Variants in SIMC1 observed in about 807,000 individuals in gnomAD.
SIMC1 encodes SUMO interacting motifs containing 1.
Under a neutral mutation model 82.3 loss-of-function variants are expected in SIMC1, and 55 were observed. The observed-to-expected ratio is 0.67, with a 90% CI of 0.54 to 0.84. The LOEUF is 0.84. Among genes scored for constraint, SIMC1 ranks in the 40% least tolerant of loss-of-function variants. SIMC1 has a pLI of 0.00. For synonymous variants in SIMC1, 353 were observed against 426.3 expected (o/e 0.83, Z 2.12); for missense variants, 915 against 1,107.2 (o/e 0.83, Z 2.46).
chr5:176,331,834 T>C (rs1765682937), intron 7 of SIMC1, among the ~76,000 whole-genome samples: 1 of 151,772 alleles, frequency 6.6e-6, no homozygotes, highest in South Asian at 2.1e-4. Flanking sequence ...CCAGGTGTGG[T>C]GGCGGGCGCC....
intron 9 of SIMC1, 56 bp from the exon 10 acceptor site, chr5:176,345,127 T>TAA: frequency 6.4e-7 from 1 of 1,555,424 alleles, no homozygotes; most frequent in Non-Finnish European, 8.7e-7. Context: ...TTAGACTTCT[T>TAA]AAAAAGAATT....
chr5:176,288,497 A>G (rs76932201), intron 1 of SIMC1, among the ~76,000 whole-genome samples: 5 of 152,098 alleles, frequency 3.3e-5, no homozygotes, highest in African/African-American at 1.2e-4. Context: ...GCAGTTGGCT[A>G]TGGGAGAGGA....
chr5:176,297,502 C>CAAAAA (rs896827211), intron 4 of SIMC1, among the ~76,000 whole-genome samples: 4 of 35,928 alleles, frequency 1.1e-4, no homozygotes, highest in Admixed American at 3.1e-4. Context: ...AACTCTGTCT[C>CAAAAA]AAAAAAAAAA....
At chr5:176,252,257 C>T (rs1314705559) in intron 1 of SIMC1, among the ~76,000 whole-genome samples, 3 of 150,804 alleles carry the variant, frequency 2.0e-5, no homozygotes, top group African/African-American at 2.4e-5. Flanking sequence ...GCTGGCTAGG[C>T]GGGGGCTGAC....
At chr5:176,312,040 C>G (rs1460860361) in intron 4 of SIMC1, among the ~76,000 whole-genome samples, 1 of 152,074 alleles carries the variant, frequency 6.6e-6, no homozygotes, top group Non-Finnish European at 1.5e-5. Flanking sequence ...GGGGATTGGC[C>G]TAAGTAAATT....
intron 5 of SIMC1, among the ~76,000 whole-genome samples, chr5:176,315,331 G>T (rs1000209243): frequency 2.0e-5 from 3 of 152,142 alleles, no homozygotes; most frequent in African/African-American, 4.8e-5. Context: ...AATAGAGTGA[G>T]AACTCACTCG....
At chr5:176,268,502 A>G (rs1482267369) in intron 1 of SIMC1, among the ~76,000 whole-genome samples, 2 of 148,848 alleles carry the variant, frequency 1.3e-5, no homozygotes, top group Non-Finnish European at 3.0e-5. Flanking sequence ...CCATGCAAAT[A>G]GTATGCACAA....
intron 1 of SIMC1, among the ~76,000 whole-genome samples, chr5:176,248,712 T>A (rs1476287672): frequency 6.6e-6 from 1 of 152,140 alleles, no homozygotes; most frequent in Non-Finnish European, 1.5e-5. Context: ...TTCCAGCTTT[T>A]ACCCATTCAG....
At chr5:176,315,426 G>T (rs1764856249) in intron 5 of SIMC1, among the ~76,000 whole-genome samples, 1 of 152,092 alleles carries the variant, frequency 6.6e-6, no homozygotes, top group South Asian at 2.1e-4. Context: ...CTCCAACACT[G>T]GAGATCACAC....
At chr5:176,270,008 A>G (rs1414939770) in intron 1 of SIMC1, among the ~76,000 whole-genome samples, 3 of 151,502 alleles carry the variant, frequency 2.0e-5, no homozygotes, top group African/African-American at 7.3e-5. Context: ...CCTCCCGCCT[A>G]GGCCTCCCAA....
At chr5:176,331,439 C>A (rs896601657) in intron 7 of SIMC1, among the ~76,000 whole-genome samples, 4 of 150,294 alleles carry the variant, frequency 2.7e-5, no homozygotes, top group Admixed American at 2.6e-4. Context: ...CCTCAGCCTT[C>A]TGAGTAGCTG....
chr5:176,316,816 C>T (rs1182902348), intron 5 of SIMC1, among the ~76,000 whole-genome samples: 1 of 151,880 alleles, frequency 6.6e-6, no homozygotes, highest in Non-Finnish European at 1.5e-5. Flanking sequence ...CTCAAAACCC[C>T]ACCTCTACTA....
At chr5:176,341,922 C>G (rs1766169132) in intron 9 of SIMC1, among the ~76,000 whole-genome samples, 1 of 152,200 alleles carries the variant, frequency 6.6e-6, no homozygotes, top group Non-Finnish European at 1.5e-5. Context: ...CATAACAACT[C>G]TTATCCCTAC....
chr5:176,298,124 C>T (rs942460680), intron 4 of SIMC1, among the ~76,000 whole-genome samples: 15 of 152,212 alleles, frequency 9.9e-5, no homozygotes, highest in African/African-American at 3.6e-4. Flanking sequence ...CTTCAGTGCC[C>T]AGGCCAATGC....
At chr5:176,315,451 G>A (rs1457038728) in intron 5 of SIMC1, among the ~76,000 whole-genome samples, 1 of 152,150 alleles carries the variant, frequency 6.6e-6, no homozygotes, top group Non-Finnish European at 1.5e-5. Flanking sequence ...AGGAGATTTG[G>A]AGAGGTCAAA....
chr5:176,286,288 G>C (rs557887440), intron 1 of SIMC1, among the ~76,000 whole-genome samples: 16 of 152,342 alleles, frequency 1.1e-4, no homozygotes, highest in Admixed American at 9.1e-4. Flanking sequence ...CCAAAACAGA[G>C]ATATAGAGCA....
intron 1 of SIMC1, among the ~76,000 whole-genome samples, chr5:176,282,375 T>C (rs1255884469): frequency 6.6e-6 from 1 of 152,218 alleles, no homozygotes; most frequent in Non-Finnish European, 1.5e-5. Context: ...CCTGACCCCT[T>C]GCGCTTCCGG....
intron 9 of SIMC1, among the ~76,000 whole-genome samples, chr5:176,337,487 A>G (rs1342453736): frequency 1.3e-5 from 2 of 152,176 alleles, no homozygotes; most frequent in Non-Finnish European, 2.9e-5. Flanking sequence ...CCAGCTACTC[A>G]GGAGGTTGAA....
At chr5:176,293,391 C>T (rs1363541394) in intron 2 of SIMC1, among the ~76,000 whole-genome samples, 3 of 150,978 alleles carry the variant, frequency 2.0e-5, no homozygotes, top group Admixed American at 6.6e-5. Context: ...GCCAGGATCA[C>T]GCCACAGTGC....
Sources: gnomAD v4.1 joint callset for allele counts (sites outside exome capture counted in the v4.1 genomes callset) on GRCh38, gnomAD v4.1.1 for gene constraint, MANE v1.5 for transcripts, NCBI Gene and HGNC (gene_info 2026-07-23, HGNC 2026-07-21) for gene names.